TMTC2: variants seen among roughly 807,000 people sequenced by gnomAD.
TMTC2 encodes the protein transmembrane O-mannosyltransferase targeting cadherins 2.
TMTC2 carries 43 observed loss-of-function variants against 82.4 expected under a neutral mutation model. That is an observed-to-expected ratio of 0.52 (90% confidence interval 0.41 to 0.67). The LOEUF (loss-of-function observed/expected upper bound fraction) is 0.67, where lower values mean the gene tolerates loss of function less well. TMTC2 is among the 30% of genes least tolerant of loss of function. The pLI, the probability that TMTC2 is intolerant of heterozygous loss-of-function variation, is 0.00. For synonymous variants in TMTC2, 408 were observed against 381.9 expected (o/e 1.07, Z -0.80); for missense variants, 919 against 1,012.4 (o/e 0.91, Z 1.25).
At chr12:83,040,679 C>CTTTTTTTTTTTTTTTTT (rs750327519) in intron 9 of TMTC2, among the ~76,000 whole-genome samples, 2 of 124,204 alleles carry the variant, frequency 1.6e-5, no homozygotes, top group Non-Finnish European at 3.3e-5. Context: ...CTGTCCTTTT[C>CTTTTTTTTTTTTTTTTT]TTTTTTTTTT....
At chr12:83,055,634 T>C (rs1242726145) in intron 10 of TMTC2, among the ~76,000 whole-genome samples, 1 of 152,002 alleles carries the variant, frequency 6.6e-6, no homozygotes, top group African/African-American at 2.4e-5. Context: ...ACTTGATATC[T>C]GAGAGGAAAT....
chr12:82,729,711 A>G (rs545343930), intron 1 of TMTC2, among the ~76,000 whole-genome samples: 6 of 152,358 alleles, frequency 3.9e-5, no homozygotes, highest in African/African-American at 1.4e-4. Context: ...GGGGCCAGAT[A>G]GAATAAAAGC....
At chr12:82,703,215 G>T (rs1309449343) in intron 1 of TMTC2, among the ~76,000 whole-genome samples, 3 of 151,960 alleles carry the variant, frequency 2.0e-5, no homozygotes, top group Non-Finnish European at 2.9e-5. Context: ...GAAAAGAAAA[G>T]AACTAACAAA....
At chr12:82,978,478 G>A (rs997340323) in intron 7 of TMTC2, among the ~76,000 whole-genome samples, 15 of 150,906 alleles carry the variant, frequency 9.9e-5, no homozygotes, top group African/African-American at 2.7e-4. Context: ...TTTAATTTCC[G>A]TGTGTGTGTG....
At chr12:82,826,116 C>T (rs1000441490) in intron 1 of TMTC2, among the ~76,000 whole-genome samples, 1 of 152,194 alleles carries the variant, frequency 6.6e-6, no homozygotes, top group African/African-American at 2.4e-5. Flanking sequence ...AGTAAACTTA[C>T]TAATCTTATT....
chr12:83,072,003 C>A (rs998341235), intron 11 of TMTC2, among the ~76,000 whole-genome samples: 1 of 152,076 alleles, frequency 6.6e-6, no homozygotes, highest in African/African-American at 2.4e-5. Context: ...GTTTCAATTT[C>A]ATTTAGTTCA....
At chr12:82,919,920 C>G (rs1201206708) in intron 3 of TMTC2, among the ~76,000 whole-genome samples, 1 of 152,188 alleles carries the variant, frequency 6.6e-6, no homozygotes, top group Non-Finnish European at 1.5e-5. Context: ...CTCTACAGTT[C>G]TGTGGTCTTC....
intron 3 of TMTC2, among the ~76,000 whole-genome samples, chr12:82,926,270 C>T (rs139808383): frequency 1.6e-4 from 24 of 152,310 alleles, no homozygotes; most frequent in African/African-American, 3.4e-4. Flanking sequence ...TTAGCCACTG[C>T]GCCCGGCCAC....
At chr12:83,064,538 A>G (rs548264243) in intron 11 of TMTC2, among the ~76,000 whole-genome samples, 100 of 152,004 alleles carry the variant, frequency 6.6e-4, no homozygotes, top group Non-Finnish European at 9.7e-4. Context: ...TTCCTAATCT[A>G]TTTTCAGAAT....
At chr12:82,791,037 T>C (rs1878446140) in intron 1 of TMTC2, among the ~76,000 whole-genome samples, 1 of 152,002 alleles carries the variant, frequency 6.6e-6, no homozygotes, top group African/African-American at 2.4e-5. Flanking sequence ...TGGGCTTCTG[T>C]ATTGTAGGAC....
intron 1 of TMTC2, among the ~76,000 whole-genome samples, chr12:82,727,427 A>G (rs568978646): frequency 6.6e-6 from 1 of 152,170 alleles, no homozygotes; most frequent in East Asian, 1.9e-4. Flanking sequence ...CATTCCCAAG[A>G]CTAGAGGATT....
rs574526148 is a variant in TMTC2 at position 83,028,510 on chromosome 12, C to T, written c.2071-2288C>T. Among the ~76,000 whole-genome samples, 60 of 152,230 alleles carry T rather than the reference C, an allele frequency of 3.9e-4. No individual in the cohort carries two copies. The South Asian group carries it at 6.8e-3, about 17-fold the overall frequency. On this transcript the variant is annotated intron_variant, in intron 8 of 11. Transcript: ENST00000321196. The stretch of plus-strand genomic sequence containing the variant: ...AGTCTATAGTTTATATTGCAGTTCG[C>T]TCTTTTGTGTTGTGTGTTCTATGAA...
intron 1 of TMTC2, among the ~76,000 whole-genome samples, chr12:82,695,634 T>C (rs1025416797): frequency 2.0e-5 from 3 of 152,226 alleles, no homozygotes; most frequent in Non-Finnish European, 2.9e-5. Flanking sequence ...TGTGAGTAAA[T>C]AAACTCTGGA....
At chr12:82,794,403 A>G (rs1030163788) in intron 1 of TMTC2, among the ~76,000 whole-genome samples, 2 of 152,150 alleles carry the variant, frequency 1.3e-5, no homozygotes, top group Admixed American at 1.3e-4. Flanking sequence ...AAATTGAGGT[A>G]TATTGTTAGT....
chr12:82,690,304 C>G (rs1355287259), intron 1 of TMTC2: 1 of 904,780 alleles, frequency 1.1e-6, no homozygotes, highest in Non-Finnish European at 1.3e-6. Context: ...TTCTGCTGCC[C>G]TCCAGGAACT....
At chr12:82,728,022 A>G (rs768577252) in intron 1 of TMTC2, among the ~76,000 whole-genome samples, 43 of 152,152 alleles carry the variant, frequency 2.8e-4, no homozygotes, top group Non-Finnish European at 4.9e-4. Context: ...TGGCAGAGCC[A>G]TGGCTGAATA....
chr12:83,055,808 G>A (rs1882522690), intron 10 of TMTC2, among the ~76,000 whole-genome samples: 1 of 151,706 alleles, frequency 6.6e-6, no homozygotes, highest in African/African-American at 2.4e-5. Context: ...TGTCTGCCTG[G>A]CACTATACTT....
At chr12:83,081,403 T>A (rs950333878) in intron 11 of TMTC2, among the ~76,000 whole-genome samples, 4 of 152,326 alleles carry the variant, frequency 2.6e-5, no homozygotes, top group East Asian at 1.9e-4. Flanking sequence ...TGTAGTGAAA[T>A]GTTGGCTTAC....
At chr12:82,931,300 C>T (rs939691595) in intron 4 of TMTC2, among the ~76,000 whole-genome samples, 2 of 151,718 alleles carry the variant, frequency 1.3e-5, no homozygotes, top group African/African-American at 2.4e-5. Flanking sequence ...GAAAAGTGAG[C>T]GAGTAAGGTT....
Sources: allele counts gnomAD v4.1 joint callset (sites outside exome capture counted in the v4.1 genomes callset), GRCh38; gene constraint gnomAD v4.1.1; transcripts MANE v1.5; gene names NCBI Gene and HGNC (gene_info 2026-07-23, HGNC 2026-07-21).